SANBR: variants seen among roughly 807,000 people sequenced by gnomAD.
SANBR encodes the protein SANT and BTB domain regulator of CSR, also known as SANT and BTB domain regulator of class switch recombination.
In SANBR, 77 loss-of-function variants were observed where a neutral mutation model predicts 101.8. The ratio of observed to expected loss-of-function variants is 0.76; its 90% confidence interval spans 0.63 to 0.91. The LOEUF is 0.91. Among genes scored for constraint, SANBR ranks in the 40% least tolerant of loss-of-function variants. SANBR has a pLI of 0.00. For synonymous variants in SANBR, 279 were observed against 274.7 expected, an observed-to-expected ratio of 1.02 and a Z score of -0.15; for missense variants, 875 against 853.0, an observed-to-expected ratio of 1.03 and a Z score of -0.32.
chr2:61,070,005 G>A (rs1338175022), intron 2 of SANBR, among the ~76,000 whole-genome samples: 1 of 152,026 alleles, frequency 6.6e-6, no homozygotes, highest in Non-Finnish European at 1.5e-5. Flanking sequence ...TCTTCTTAGC[G>A]CTGTGATCTT....
chr2:61,119,953 C>A (rs1024575246), intron 20 of SANBR, among the ~76,000 whole-genome samples: 1 of 151,840 alleles, frequency 6.6e-6, no homozygotes, highest in South Asian at 2.1e-4. Context: ...CAGAACGAGA[C>A]CCTGTCTCCA....
At chr2:61,082,244 G>A (rs1682174445) in intron 7 of SANBR, among the ~76,000 whole-genome samples, 1 of 152,176 alleles carries the variant, frequency 6.6e-6, no homozygotes, top group Non-Finnish European at 1.5e-5. Flanking sequence ...AAAAAAAGCA[G>A]AGACTAAATG....
At chr2:61,070,737 A>G (rs1315579744) in intron 3 of SANBR, among the ~76,000 whole-genome samples, 1 of 147,264 alleles carries the variant, frequency 6.8e-6, no homozygotes, top group Non-Finnish European at 1.5e-5. Context: ...ATAATATTTT[A>G]TATATAAATA....
chr2:61,114,369 T>C (rs1683973847), intron 16 of SANBR, among the ~76,000 whole-genome samples: 1 of 152,204 alleles, frequency 6.6e-6, no homozygotes, highest in Admixed American at 6.5e-5. Flanking sequence ...AGAGCAATCA[T>C]GCACCCACAG....
At position 61,092,523 on chromosome 2, in the gene SANBR, G is replaced by C; in HGVS notation, c.1148G>C (p.Trp383Ser). ...LNSLFEELKS[W>S]RDVYWRLWGT... ...AGTCTTTTCGAAGAATTAAAATCTT[G>C]GAGAGATGTATACTGGCGATTGTGG... The change falls in exon 11 of 22, where the codon TGG (tryptophan) becomes TCG (serine). Residue 383 changes from tryptophan (W) to serine (S), a missense_variant. Coordinates refer to ENST00000402291, the MANE Select transcript of SANBR (RefSeq NM_001129993.3). The C allele has an allele frequency of 6.2e-7, 1 of 1,606,168 alleles. No homozygotes were observed. Among genetic ancestry groups the C allele is most frequent in the Non-Finnish European group, 8.5e-7 (1 of 1,176,136 alleles).
chr2:61,122,632 A>G lies in SANBR; in HGVS notation c.*470A>G, dbSNP rs1684379850. 1 of 987,154 alleles carries G rather than the reference A, an allele frequency of 1.0e-6. No homozygotes were observed. Among genetic ancestry groups the G allele is most frequent in the East Asian group, 1.1e-4 (1 of 9,000 alleles). The allele number at this position is 987,154 out of a possible 1,614,324, so 61.1% of individuals were successfully genotyped here. A position where few individuals can be genotyped will look rare whatever the true frequency, so the allele number is the denominator to read the frequency against. On this transcript the variant is annotated 3_prime_UTR_variant, in exon 22 of 22. Transcript: ENST00000402291. ...GTGTGACGAAATTCCCAATGATGCT[A>G]ATTTTAAGTCTGCATGAATATTAAG... is the stretch of plus-strand genomic sequence containing the variant.
At chr2:61,095,715 C>G (rs1038992136) in intron 11 of SANBR, among the ~76,000 whole-genome samples, 2 of 152,108 alleles carry the variant, frequency 1.3e-5, no homozygotes, top group Non-Finnish European at 2.9e-5. Context: ...GTGAGGAACT[C>G]TCTCAACAAG....
intron 12 of SANBR, among the ~76,000 whole-genome samples, chr2:61,100,876 T>C (rs1192680672): frequency 6.6e-6 from 1 of 152,178 alleles, no homozygotes; most frequent in Non-Finnish European, 1.5e-5. Context: ...TTTATATCAC[T>C]CTCTCCAGTA....
In SANBR at chr2:61,068,968, A is replaced by C. The variant is rs1265020585; in HGVS notation, c.-27A>C. The C allele has an allele frequency of 6.6e-6, 1 of 152,356 alleles. No individual in the cohort carries two copies. The highest frequency in any genetic ancestry group is 2.4e-5 in the African/African-American group (1 of 41,452). 9.4% of individuals were successfully genotyped at this position (152,356 alleles called of 1,614,324 possible). ...AGTCTGCACACTTAACCACTCCACT[A>C]TTCTGGCCTTCTACAAGGTACATCT... On this transcript the variant is annotated 5_prime_UTR_variant, in exon 2 of 22. Transcript: ENST00000402291.
At chr2:61,130,061 A>AT (rs1293147195) in intron 20 of SANBR, among the ~76,000 whole-genome samples, 8 of 152,048 alleles carry the variant, frequency 5.3e-5, no homozygotes, top group Non-Finnish European at 1.5e-5. Context: ...TGATGTTAAG[A>AT]TGTATGTATG....
At chr2:61,072,276 A>G (rs933270489) in intron 4 of SANBR, among the ~76,000 whole-genome samples, 1 of 152,100 alleles carries the variant, frequency 6.6e-6, no homozygotes, top group Non-Finnish European at 1.5e-5. Flanking sequence ...GCTATTTTTT[A>G]AAAAAAGTTT....
At chr2:61,066,812 A>G (rs1681199707) in intron 1 of SANBR, among the ~76,000 whole-genome samples, 1 of 152,158 alleles carries the variant, frequency 6.6e-6, no homozygotes, top group Admixed American at 6.5e-5. Context: ...TAATTAATAC[A>G]TGTATATTAA....
intron 8 of SANBR, among the ~76,000 whole-genome samples, chr2:61,086,618 G>C (rs1446425112): frequency 6.6e-6 from 1 of 152,154 alleles, no homozygotes. Context: ...CCATCACATA[G>C]AGTAAGATGG....
At chr2:61,097,606 A>G (rs1483857928) in intron 11 of SANBR, 94 bp from the exon 12 acceptor site, 2 of 981,406 alleles carry the variant, frequency 2.0e-6, no homozygotes, top group Non-Finnish European at 3.0e-6. Flanking sequence ...TATTTCATAT[A>G]AAAATGGAAC....
chr2:61,089,993 C>A (rs772140113), intron 10 of SANBR, among the ~76,000 whole-genome samples: 1 of 151,992 alleles, frequency 6.6e-6, no homozygotes, highest in Non-Finnish European at 1.5e-5. Context: ...ATAGCCAGAC[C>A]CCATCTCTAC....
Position 61,105,103 on chromosome 2 carries a change from A to G in SANBR, c.1511+1105A>G, listed in dbSNP as rs187047303. On this transcript the variant is annotated intron_variant, in intron 13 of 21. Coordinates refer to ENST00000402291, the MANE Select transcript of SANBR (RefSeq NM_001129993.3). Reference sequence around the variant, plus strand: ...ACTTTAAAAGAGGCTGTTCTTAGCCAGGCGTGGTGGCTCACACCTTTAATC... The same window carrying G: ...ACTTTAAAAGAGGCTGTTCTTAGCCGGGCGTGGTGGCTCACACCTTTAATC... 1.1e-4 allele frequency among the ~76,000 whole-genome samples: 16 copies of G among 151,666 alleles called. No individual in the cohort carries two copies. In the Middle Eastern group the frequency reaches 0.01, roughly 97 times the overall value.
intron 4 of SANBR, 93 bp downstream of exon 4, chr2:61,071,885 G>A: frequency 2.6e-6 from 2 of 778,482 alleles, no homozygotes; most frequent in Non-Finnish European, 4.1e-6. Flanking sequence ...TTGTTTAAAG[G>A]CTAATATAAA....
At chr2:61,125,954 T>C (rs1684501197), downstream of SANBR, among the ~76,000 whole-genome samples, 1 of 152,200 alleles carries the variant, frequency 6.6e-6, no homozygotes, top group African/African-American at 2.4e-5. Flanking sequence ...AATTTTCTCT[T>C]AGAGGCCTCC....
rs1003933572 is a variant in SANBR at position 61,122,006 on chromosome 2, C to T, written c.2121-120C>T. On this transcript the variant is annotated intron_variant, in intron 21 of 21. Transcript: ENST00000402291. ...GTTAAGAGTTTTAGAAAATGGATTACGGAGCTGCAAGAAGATTTATTAAAC... is the reference window on the plus strand; with the variant it reads ...GTTAAGAGTTTTAGAAAATGGATTATGGAGCTGCAAGAAGATTTATTAAAC... 21 of 1,312,892 alleles carry T rather than the reference C, an allele frequency of 1.6e-5. No individual in the cohort carries two copies. In the South Asian group the frequency reaches 2.3e-4, roughly 15 times the overall value. 81.3% of individuals were successfully genotyped at this position (1,312,892 alleles called of 1,614,324 possible).
Sources: gnomAD v4.1 joint callset for allele counts (sites outside exome capture counted in the v4.1 genomes callset) on GRCh38, gnomAD v4.1.1 for gene constraint, MANE v1.5 for transcripts, NCBI Gene and HGNC (gene_info 2026-07-23, HGNC 2026-07-21) for gene names.